RCL1: variants seen among roughly 807,000 people sequenced by gnomAD.
The protein encoded by RCL1 is RNA terminal phosphate cyclase like 1, also known as RNA 3'-terminal phosphate cyclase-like protein.
In RCL1, 24 loss-of-function variants were observed where a neutral mutation model predicts 42.4. That is an observed-to-expected ratio of 0.57 (90% CI 0.41 to 0.80). The LOEUF is 0.80. Among genes scored for constraint, RCL1 ranks in the 30% least tolerant of loss-of-function variants. RCL1 has a pLI of 0.00. For synonymous variants in RCL1, 228 were observed against 177.3 expected, an observed-to-expected ratio of 1.29 and a Z score of -2.27; for missense variants, 578 against 467.9, an observed-to-expected ratio of 1.24 and a Z score of -2.17.
chr9:4,826,767 G>A, intron 2 of RCL1, 91 bp from the exon 3 acceptor site: 1 of 1,167,226 alleles, frequency 8.6e-7, no homozygotes. Context: ...GCCCTTGTCA[G>A]GCTTTCCCCT....
At chr9:4,852,695 G>C (rs1310922925) in intron 8 of RCL1, among the ~76,000 whole-genome samples, 1 of 152,022 alleles carries the variant, frequency 6.6e-6, no homozygotes, top group East Asian at 1.9e-4. Context: ...CTGAGGAGCT[G>C]TCAGTGCTGG....
Position 4,793,010 on chromosome 9 carries a change from C to A in RCL1, c.-82C>A. On this transcript the variant is annotated 5_prime_UTR_variant, in exon 1 of 9. Transcript: ENST00000381750. ...CCGCCGCCGTCGGTGTCGCCGCCAC[C>A]ACCACCATCGGAGTCACGAGTCCCG... is the stretch of plus-strand genomic sequence containing the variant. 6.7e-7 allele frequency: 1 copy of A among 1,484,968 alleles called. No homozygotes were observed. The highest frequency in any genetic ancestry group is 9.0e-7 in the Non-Finnish European group (1 of 1,106,172). The allele number at this position is 1,484,968 out of a possible 1,614,324, so 92.0% of individuals were successfully genotyped here.
chr9:4,821,982 G>C (rs1816610750), intron 1 of RCL1, among the ~76,000 whole-genome samples: 1 of 152,228 alleles, frequency 6.6e-6, no homozygotes, highest in Non-Finnish European at 1.5e-5. Flanking sequence ...AAATGGGAAT[G>C]ACACTCTGTG....
chr9:4,796,908 G>A (rs1388507460), intron 1 of RCL1, among the ~76,000 whole-genome samples: 1 of 152,120 alleles, frequency 6.6e-6, no homozygotes, highest in Non-Finnish European at 1.5e-5. Flanking sequence ...GAATTGCTGG[G>A]CCATATGGTA....
intron 1 of RCL1, among the ~76,000 whole-genome samples, chr9:4,797,387 T>G (rs1842929304): frequency 6.6e-6 from 1 of 152,216 alleles, no homozygotes; most frequent in Admixed American, 6.5e-5. Context: ...TGAAGAGAAT[T>G]ATGCCTTCTG....
chr9:4,814,537 G>C (rs1489212584), intron 1 of RCL1, among the ~76,000 whole-genome samples: 2 of 152,166 alleles, frequency 1.3e-5, no homozygotes, highest in East Asian at 1.9e-4. Flanking sequence ...AAAGTGTTGG[G>C]ATTCTAGGCA....
chr9:4,824,759 A>G (rs1442953751), intron 2 of RCL1, among the ~76,000 whole-genome samples: 1 of 152,214 alleles, frequency 6.6e-6, no homozygotes. Context: ...GCATTCAGCC[A>G]TATCTTATGG....
chr9:4,812,584 G>T (rs1478193168), intron 1 of RCL1, among the ~76,000 whole-genome samples: 4 of 152,006 alleles, frequency 2.6e-5, no homozygotes, highest in Non-Finnish European at 5.9e-5. Context: ...AATGCCTCTT[G>T]CTTTGTTCTT....
intron 1 of RCL1, among the ~76,000 whole-genome samples, chr9:4,796,823 C>A (rs557584251): frequency 0.015 from 2,345 of 152,206 alleles, 57 homozygotes; most frequent in African/African-American, 0.053. Flanking sequence ...GTGAATAGTG[C>A]TGCAATAAAC....
chr9:4,829,253 G>A (rs1160086960), intron 3 of RCL1, among the ~76,000 whole-genome samples: 2 of 152,170 alleles, frequency 1.3e-5, no homozygotes, highest in African/African-American at 4.8e-5. Flanking sequence ...GAGGTTGAGT[G>A]AAAGATGAAT....
intron 1 of RCL1, among the ~76,000 whole-genome samples, chr9:4,798,186 C>T (rs937184468): frequency 3.3e-5 from 5 of 152,212 alleles, no homozygotes; most frequent in African/African-American, 1.2e-4. Flanking sequence ...GGGTGTTCCT[C>T]ATCAGTATTA....
At chr9:4,814,396 G>A (rs1005515695) in intron 1 of RCL1, among the ~76,000 whole-genome samples, 2 of 151,910 alleles carry the variant, frequency 1.3e-5, no homozygotes, top group African/African-American at 4.8e-5. Context: ...CAATCTTTCC[G>A]GCCTGGTCTC....
At chr9:4,832,882 G>T (rs543612325) in intron 3 of RCL1, among the ~76,000 whole-genome samples, 1 of 145,766 alleles carries the variant, frequency 6.9e-6, no homozygotes, top group South Asian at 2.2e-4. Context: ...CATGCTTTTT[G>T]CATGATGCCT....
intron 8 of RCL1, among the ~76,000 whole-genome samples, chr9:4,857,789 T>C (rs906903589): frequency 1.3e-5 from 2 of 152,330 alleles, no homozygotes; most frequent in South Asian, 2.1e-4. Flanking sequence ...ATTGTATGTC[T>C]TTTTATTATA....
At chr9:4,796,587 T>G (rs774198291) in intron 1 of RCL1, among the ~76,000 whole-genome samples, 12 of 152,026 alleles carry the variant, frequency 7.9e-5, no homozygotes, top group African/African-American at 1.7e-4. Flanking sequence ...TTTGTAGAGA[T>G]GGGGTGTTGT....
chr9:4,817,996 C>G (rs983372320), intron 1 of RCL1, among the ~76,000 whole-genome samples: 4 of 142,992 alleles, frequency 2.8e-5, no homozygotes, highest in African/African-American at 1.1e-4. Context: ...TCTCGTCTCA[C>G]TGCAACTTCT....
intron 7 of RCL1, among the ~76,000 whole-genome samples, chr9:4,846,379 G>C (rs189124034): frequency 4.7e-4 from 71 of 152,310 alleles, no homozygotes; most frequent in African/African-American, 1.6e-3. Context: ...GAAGGAGGAG[G>C]TATTCTTTGA....
intron 3 of RCL1, 88 bp downstream of exon 3, chr9:4,827,121 C>G (rs1440140277): frequency 1.3e-6 from 2 of 1,583,446 alleles, no homozygotes; most frequent in Non-Finnish European, 1.7e-6. Flanking sequence ...TTATAAGGCA[C>G]AGTTTTATTA....
intron 8 of RCL1, chr9:4,850,333 A>G: frequency 1.9e-6 from 1 of 534,458 alleles, no homozygotes; most frequent in Non-Finnish European, 3.8e-6. Context: ...CCGATGCTGT[A>G]TATCTGAAAG....
Sources: allele counts gnomAD v4.1 joint callset (sites outside exome capture counted in the v4.1 genomes callset), GRCh38; gene constraint gnomAD v4.1.1; transcripts MANE v1.5; gene names NCBI Gene and HGNC (gene_info 2026-07-23, HGNC 2026-07-21).